The following C1orf162 variants were observed in gnomAD, a reference collection of about 807,000 sequenced individuals.
C1orf162 encodes transmembrane protein C1orf162.
Under a neutral mutation model 11.4 loss-of-function variants are expected in C1orf162, and 10 were observed. That is an observed-to-expected ratio of 0.88 (90% CI 0.54 to 1.48). The LOEUF (loss-of-function observed/expected upper bound fraction) is 1.48. Ranked by LOEUF, C1orf162 falls within the 40% of genes most tolerant of loss-of-function variation. The pLI is 0.00. For synonymous variants in C1orf162, 53 were observed against 55.0 expected, an observed-to-expected ratio of 0.96 and a Z score of 0.16; for missense variants, 140 against 149.5, an observed-to-expected ratio of 0.94 and a Z score of 0.33.
intron 1 of C1orf162, chr1:111,475,018 A>G (rs1309833281): frequency 7.4e-6 from 1 of 135,052 alleles, no homozygotes; most frequent in Non-Finnish European, 1.7e-5. Flanking sequence ...TTGGCCTCCT[A>G]AAAAAAAAAA....
rs1654067973 is a variant in C1orf162, at chr1:111,478,327, C to T, written c.*204C>T. The T allele has an allele frequency of 3.1e-6, 2 of 646,876 alleles. No homozygotes were observed. The highest frequency in any genetic ancestry group is 5.2e-6 in the Non-Finnish European group (2 of 381,474). 40.1% of individuals were successfully genotyped at this position (646,876 alleles called of 1,614,324 possible). ...CCTGGCCAGAGGAAAGATTGATGGC[C>T]CTCCCACTTGAACTGACAGCCTGTG... On this transcript the variant is annotated 3_prime_UTR_variant, in exon 6 of 6. Transcript: ENST00000369718.
Position 111,478,137 on chromosome 1 carries a change from A to C in C1orf162, c.*14A>C. 1 of 1,614,056 alleles carries C rather than the reference A, an allele frequency of 6.2e-7. No individual in the cohort carries two copies. The highest frequency in any genetic ancestry group is 8.5e-7 in the Non-Finnish European group (1 of 1,179,912). On this transcript the variant is annotated 3_prime_UTR_variant, in exon 6 of 6. Coordinates refer to ENST00000369718, the MANE Select transcript of C1orf162 (RefSeq NM_001300834.2). ...GTAACAAACTAACTCAGCTTTTCCA[A>C]TGAGGCTTGAATCCATTTCCTCTCA...
At chr1:111,477,117 G>A (rs978655774) in intron 3 of C1orf162, 5 of 634,224 alleles carry the variant, frequency 7.9e-6, no homozygotes, top group South Asian at 2.0e-5. Context: ...ACATTGTGTG[G>A]GTTGAGGGAG....
chr1:111,476,224 A>G (rs1285649942), intron 2 of C1orf162, among the ~76,000 whole-genome samples, 159 bp downstream of exon 2: 1 of 152,158 alleles, frequency 6.6e-6, no homozygotes, highest in Admixed American at 6.5e-5. Context: ...AGGAGGGGTG[A>G]AAGGGGGAAC....
Position 111,476,853 on chromosome 1 carries a change from C to G in C1orf162, c.93C>G (p.Leu31=), listed in dbSNP as rs1039766559. The G allele has an allele frequency of 6.2e-7, 1 of 1,613,878 alleles. No individual in the cohort carries two copies. Among genetic ancestry groups the G allele is most frequent in the Non-Finnish European group, 8.5e-7 (1 of 1,179,770 alleles). Residue 31 remains leucine (L), a synonymous_variant, in exon 3 of 6, where the codon CTC becomes CTG. Coordinates refer to ENST00000369718, the MANE Select transcript of C1orf162 (RefSeq NM_001300834.2). ...CAACAACTAGCCCTGCACCCTGTCT[C>G]TCTAACCACCACAAGTAAATGAGCA... is the stretch of plus-strand genomic sequence containing the variant. ...AAPTTSPAPC[L]SNHHNKKHLI...
At chr1:111,477,162 C>T in intron 3 of C1orf162, 172 bp from the exon 4 acceptor site, 2 of 670,726 alleles carry the variant, frequency 3.0e-6, no homozygotes, top group African/African-American at 1.8e-5. Flanking sequence ...CCTCTGAGGC[C>T]TCAAATGGAT....
At position 111,478,118 on chromosome 1, in the gene C1orf162, A is replaced by G; in HGVS notation, c.388A>G (p.Asn130Asp). The G allele has an allele frequency of 6.2e-7, 1 of 1,614,180 alleles. No homozygotes were observed. The highest frequency in any genetic ancestry group is 1.1e-5 in the South Asian group (1 of 91,082). The change falls in exon 6 of 6, where the codon AAC becomes GAC. Residue 130 changes from asparagine (N) to aspartate (D), a missense_variant. Physicochemically the swap from Asn to Asp is conservative, Grantham distance 23. Transcript: ENST00000369718. ...PIVYAQIKVT[N>D] ...TGTCTATGCTCAAATTAAAGTAACA[A>G]ACTAACTCAGCTTTTCCAATGAGGC...
intron 1 of C1orf162, chr1:111,474,831 G>A (rs1171114793): frequency 6.6e-6 from 1 of 152,192 alleles, no homozygotes; most frequent in Non-Finnish European, 1.5e-5. Flanking sequence ...GGGCGATGAG[G>A]TGTCCTTCTC....
intron 1 of C1orf162, among the ~76,000 whole-genome samples, chr1:111,474,374 G>C (rs566988656): frequency 6.6e-6 from 1 of 152,284 alleles, no homozygotes; most frequent in African/African-American, 2.4e-5. Context: ...CCATTTATGT[G>C]AAAGTTAGGG....
At chr1:111,475,084 T>G (rs1653948403) in intron 1 of C1orf162, 1 of 152,156 alleles carries the variant, frequency 6.6e-6, no homozygotes, top group Non-Finnish European at 1.5e-5. Context: ...TGTTATTGAT[T>G]TAAATAAAAA....
rs1422195310 is a variant in C1orf162 at position 111,474,050 on chromosome 1, G to C, written c.-12+20G>C. On this transcript the variant is annotated intron_variant, in intron 1 of 5. Transcript: ENST00000369718. Reference sequence around the variant, plus strand: ...TGAAAGGTAAATGCATTTACCACATGCTTTTAATCTAGATTAAATAATCAC... The same window carrying C: ...TGAAAGGTAAATGCATTTACCACATCCTTTTAATCTAGATTAAATAATCAC... 6.6e-6 allele frequency: 1 copy of C among 152,176 alleles called. No individual in the cohort carries two copies. The highest frequency in any genetic ancestry group is 2.4e-5 in the African/African-American group (1 of 41,432). 9.4% of individuals were successfully genotyped at this position (152,176 alleles called of 1,614,324 possible). A position where few individuals can be genotyped will look rare whatever the true frequency, so the allele number is the denominator to read the frequency against.
chr1:111,476,334 G>A (rs1417298050), intron 2 of C1orf162, among the ~76,000 whole-genome samples: 3 of 152,122 alleles, frequency 2.0e-5, no homozygotes, highest in East Asian at 3.9e-4. Context: ...GTAGGCATTG[G>A]GAAAACCACT....
rs192220407 is a variant in C1orf162, at chr1:111,478,053, A to G, written c.323A>G (p.Asn108Ser). Residue 108 changes from asparagine (N) to serine (S), a missense_variant, in exon 6 of 6, where the codon AAT (asparagine) becomes AGT (serine). By Grantham distance (46) the Asn-to-Ser change is conservative. Transcript: ENST00000369718. ...TTFKLSEEKS[N>S]HLAENHSADF... is the part of the protein sequence containing the mutation. ...TTCAAACTCTCAGAAGAAAAGAGCA[A>G]TCACTTGGCTGAGAACCATTCTGCA... The G allele has an allele frequency of 1.2e-5, 19 of 1,614,130 alleles. No individual in the cohort carries two copies. The East Asian group carries it at 4.2e-4, about 36-fold the overall frequency.
At chr1:111,477,668 C>T in intron 4 of C1orf162, 58 bp from the exon 5 acceptor site, 1 of 1,444,652 alleles carries the variant, frequency 6.9e-7, no homozygotes, top group Non-Finnish European at 9.3e-7. Flanking sequence ...GGAGAGGCTT[C>T]CCATTTCCCC....
chr1:111,475,846 C>T (rs1048516436), intron 1 of C1orf162, 172 bp from the exon 2 acceptor site: 2 of 543,274 alleles, frequency 3.7e-6, no homozygotes, highest in Non-Finnish European at 6.9e-6. Flanking sequence ...GCAGAAACAA[C>T]ACCAGAATTG....
chr1:111,478,005 C>T lies in C1orf162; in HGVS notation c.275C>T (p.Ser92Leu). 3 of 1,614,160 alleles carry T rather than the reference C, an allele frequency of 1.9e-6. No individual in the cohort carries two copies. The highest frequency in any genetic ancestry group is 1.7e-6 in the Non-Finnish European group (2 of 1,179,980). The change falls in exon 6 of 6, where the codon TCA (serine) becomes TTA (leucine). Residue 92 changes from serine to leucine, a missense_variant. Ser to Leu is a moderately radical substitution (Grantham distance 145). Coordinates refer to ENST00000369718, the MANE Select transcript of C1orf162 (RefSeq NM_001300834.2). ...CAGCTTTCATCCATCCCAGGGGAATCACTTACCTATGCCAGCACAACTTTC... is the reference window on the plus strand; with the variant it reads ...CAGCTTTCATCCATCCCAGGGGAATTACTTACCTATGCCAGCACAACTTTC... ...PAKLSSIPGESLTYASTTFKL... is the reference protein window; with the variant it reads ...PAKLSSIPGELLTYASTTFKL...
chr1:111,477,997 AG>A lies in C1orf162; in HGVS notation c.271del (p.Glu91AsnfsTer38), dbSNP rs1404144468. 1 of 1,614,156 alleles carries A rather than the reference AG, an allele frequency of 6.2e-7. No homozygotes were observed. Among genetic ancestry groups the A allele is most frequent in the East Asian group, 2.2e-5 (1 of 44,884 alleles). ...DPPAKLSSIP[G>X]ESLTYASTTF... is the part of the protein sequence containing the mutation. ...TCCCTCTGCAGCTTTCATCCATCCC[AG>A]GGGAATCACTTACCTATGCCAGCAC... On this transcript the variant is annotated frameshift_variant, in exon 6 of 6. Transcript: ENST00000369718. LOFTEE classifies it low-confidence loss of function (END_TRUNC).
chr1:111,477,829 C>T (rs1654050954), intron 5 of C1orf162, 54 bp downstream of exon 5: 2 of 1,604,282 alleles, frequency 1.2e-6, no homozygotes, highest in South Asian at 2.2e-5. Flanking sequence ...CATTGGAATT[C>T]CCCTCCATAC....
rs1284106759 is a variant in C1orf162 at position 111,477,929 on chromosome 1, CA to C, written c.253-52del. The C allele has an allele frequency of 3.1e-6, 5 of 1,611,516 alleles. No homozygotes were observed. In the African/African-American group the frequency reaches 6.7e-5, roughly 22 times the overall value. On this transcript the variant is annotated intron_variant, in intron 5 of 5. Coordinates refer to ENST00000369718, the MANE Select transcript of C1orf162 (RefSeq NM_001300834.2). ...AAGTGCTCAGGTTGCTTCTAAAGAG[CA>C]ACCTTTTGCTCCAGACTGGACTCAC...
Sources: gnomAD v4.1 joint callset for allele counts (sites outside exome capture counted in the v4.1 genomes callset) on GRCh38, gnomAD v4.1.1 for gene constraint, MANE v1.5 for transcripts, NCBI Gene and HGNC (gene_info 2026-07-23, HGNC 2026-07-21) for gene names.